Variants in CIMAP2 observed in about 807,000 individuals in gnomAD.
CIMAP2 encodes ciliary microtubule associated protein 2.
At chr1:54,808,983 T>TCCAGAAGCCTTCCTCAGCCCCGCTAG in the CIMAP2 span, among the ~76,000 whole-genome samples, 51 of 7,528 alleles carry the variant, frequency 6.8e-3, 2 homozygotes, top group African/African-American at 0.012. Flanking sequence ...CTCTTCTTCT[T>TCCAGAAGCCTTCCTCAGCCCCGCTAG]GTGTGTGACT....
At chr1:54,817,043 A>G in the CIMAP2 span, 1 of 1,614,222 alleles carries the variant, frequency 6.2e-7, no homozygotes. Flanking sequence ...GACAAAGGAC[A>G]GGCGGCAGCG....
the CIMAP2 span, among the ~76,000 whole-genome samples, chr1:54,811,257 G>A: frequency 5.9e-5 from 9 of 152,128 alleles, no homozygotes; most frequent in Non-Finnish European, 1.0e-4. Flanking sequence ...CTCATGTCAC[G>A]CAGGGCTGTG....
At chr1:54,812,767 G>A in the CIMAP2 span, among the ~76,000 whole-genome samples, 27 of 152,178 alleles carry the variant, frequency 1.8e-4, no homozygotes, top group African/African-American at 6.0e-4. Flanking sequence ...ATGCATTCTC[G>A]CGGTGGGTGT....
chr1:54,813,106 C>T, the CIMAP2 span, among the ~76,000 whole-genome samples: 16 of 151,768 alleles, frequency 1.1e-4, no homozygotes, highest in Middle Eastern at 3.4e-3. Flanking sequence ...GGCTGGCCAG[C>T]GCCCAGGCCA....
chr1:54,822,902 A>G, the CIMAP2 span, among the ~76,000 whole-genome samples: 1 of 152,052 alleles, frequency 6.6e-6, no homozygotes, highest in Non-Finnish European at 1.5e-5. Context: ...CTTGTTATTG[A>G]TTTCTAGTTT....
At chr1:54,824,401 TCTGTGAGCTTC>T in the CIMAP2 span, among the ~76,000 whole-genome samples, 36 of 151,904 alleles carry the variant, frequency 2.4e-4, no homozygotes, top group Middle Eastern at 3.4e-3. Context: ...ATTTGGGGGT[TCTGTGAGCTTC>T]CTGTATCTAG....
chr1:54,807,860 C>T, the CIMAP2 span: 1 of 1,547,466 alleles, frequency 6.5e-7, no homozygotes, highest in Non-Finnish European at 8.7e-7. Flanking sequence ...AAGTTTAAGG[C>T]TTTCATTTTC....
At chr1:54,828,253 A>G in the CIMAP2 span, among the ~76,000 whole-genome samples, 1 of 152,266 alleles carries the variant, frequency 6.6e-6, no homozygotes, top group Admixed American at 6.5e-5. Flanking sequence ...AACAAAGTGT[A>G]TAAATGAATA....
chr1:54,841,135 T>C, the CIMAP2 span, among the ~76,000 whole-genome samples: 3 of 152,194 alleles, frequency 2.0e-5, no homozygotes, highest in African/African-American at 7.2e-5. Context: ...TTGACAAATA[T>C]TTGTTAAGCA....
chr1:54,806,181 A>G, the CIMAP2 span: 15 of 1,552,602 alleles, frequency 9.7e-6, no homozygotes, highest in African/African-American at 1.1e-4. Context: ...ACGGCCACCA[A>G]GTGGTTCACC....
chr1:54,825,432 T>A, the CIMAP2 span, among the ~76,000 whole-genome samples: 1,244 of 152,190 alleles, frequency 8.2e-3, 21 homozygotes, highest in African/African-American at 0.029. Context: ...GATGCAGTAA[T>A]GTAGTTTCTG....
the CIMAP2 span, among the ~76,000 whole-genome samples, chr1:54,836,231 C>G: frequency 6.6e-6 from 1 of 151,788 alleles, no homozygotes; most frequent in African/African-American, 2.4e-5. Context: ...ATTTCTCCTT[C>G]CTTCCCTCTC....
chr1:54,828,310 C>CA, the CIMAP2 span, among the ~76,000 whole-genome samples: 1 of 151,184 alleles, frequency 6.6e-6, no homozygotes, highest in Non-Finnish European at 1.5e-5. Flanking sequence ...TTAATTGAGG[C>CA]AAAAAAAGGA....
At chr1:54,815,091 G>A in the CIMAP2 span, 2 of 1,604,300 alleles carry the variant, frequency 1.2e-6, 1 homozygote. Context: ...TGCCTCTACA[G>A]CCAACACCAA....
At chr1:54,811,767 C>CGGG in the CIMAP2 span, 2 of 1,088,170 alleles carry the variant, frequency 1.8e-6, no homozygotes, top group Non-Finnish European at 2.7e-6. Flanking sequence ...TTCTGACAGC[C>CGGG]TCCATGCCCC....
At chr1:54,835,739 C>T in the CIMAP2 span, among the ~76,000 whole-genome samples, 1 of 152,076 alleles carries the variant, frequency 6.6e-6, no homozygotes, top group Non-Finnish European at 1.5e-5. Flanking sequence ...CAGAGTGGCT[C>T]CAGCTTCATG....
the CIMAP2 span, among the ~76,000 whole-genome samples, chr1:54,811,636 G>A: frequency 2.0e-5 from 3 of 151,986 alleles, no homozygotes; most frequent in Admixed American, 6.6e-5. Context: ...GGACGCTCAC[G>A]GGCAACAATG....
chr1:54,821,886 C>CTTTT, the CIMAP2 span, among the ~76,000 whole-genome samples: 146 of 66,600 alleles, frequency 2.2e-3, 11 homozygotes, highest in African/African-American at 2.4e-3. Flanking sequence ...CCTCTTATTT[C>CTTTT]TTTTTTTTTT....
the CIMAP2 span, among the ~76,000 whole-genome samples, chr1:54,834,242 C>G: frequency 6.6e-6 from 1 of 152,120 alleles, no homozygotes; most frequent in East Asian, 1.9e-4. Flanking sequence ...GATTTTTTTC[C>G]AGGCAGCTTC....
Sources: gnomAD v4.1 joint callset for allele counts (sites outside exome capture counted in the v4.1 genomes callset) on GRCh38, gnomAD v4.1.1 for gene constraint, MANE v1.5 for transcripts, NCBI Gene and HGNC (gene_info 2026-07-23, HGNC 2026-07-21) for gene names.